The following MAP2K3 variants were observed in gnomAD, a reference collection of about 807,000 sequenced individuals.
The protein encoded by MAP2K3 is dual specificity mitogen-activated protein kinase kinase 3.
MAP2K3 carries 30 observed loss-of-function variants against 46.4 expected under a neutral mutation model. The observed-to-expected ratio is 0.65, with a 90% CI of 0.48 to 0.88. The LOEUF (loss-of-function observed/expected upper bound fraction) is 0.88, where lower values mean the gene tolerates loss of function less well. Ranked by LOEUF, MAP2K3 falls within the 40% of genes least tolerant of loss-of-function variation. The pLI is 0.00. For synonymous variants in MAP2K3, 189 were observed against 176.3 expected (o/e 1.07, Z -0.57); for missense variants, 380 against 464.5 (o/e 0.82, Z 1.67).
intron 1 of MAP2K3, among the ~76,000 whole-genome samples, chr17:21,292,882 C>T (rs1322871622): frequency 2.0e-5 from 3 of 152,312 alleles, no homozygotes; most frequent in Non-Finnish European, 2.9e-5. Flanking sequence ...TGAGGACCTG[C>T]AGGATCCTCA....
intron 6 of MAP2K3, 71 bp downstream of exon 6, chr17:21,302,330 T>A (rs62057723): frequency 1.4e-6 from 2 of 1,468,664 alleles, no homozygotes; most frequent in African/African-American, 1.4e-5. Context: ...CCAGCAGGCA[T>A]GGAGCCTGCC....
intron 10 of MAP2K3, among the ~76,000 whole-genome samples, chr17:21,313,014 A>G (rs1463891848): frequency 6.6e-6 from 1 of 152,026 alleles, no homozygotes; most frequent in African/African-American, 2.4e-5. Context: ...TTGGGTAAGG[A>G]AGAAGCGGCC....
intron 1 of MAP2K3, among the ~76,000 whole-genome samples, chr17:21,293,545 G>A (rs1218926000): frequency 1.7e-4 from 26 of 152,300 alleles, no homozygotes; most frequent in African/African-American, 6.3e-4. Flanking sequence ...CATCACCGGG[G>A]AGGGGGCGCT....
At chr17:21,290,865 C>T (rs1171958498) in intron 1 of MAP2K3, among the ~76,000 whole-genome samples, 3 of 152,420 alleles carry the variant, frequency 2.0e-5, no homozygotes, top group African/African-American at 4.8e-5. Context: ...GTGGGAGGAT[C>T]GTTTGTGCCT....
intron 1 of MAP2K3, chr17:21,296,158 T>C (rs974316309): frequency 4.7e-6 from 6 of 1,289,644 alleles, no homozygotes; most frequent in African/African-American, 3.0e-5. Context: ...AACCCTGTGC[T>C]GAGCACCTTG....
At chr17:21,288,079 G>A in intron 1 of MAP2K3, 1 of 1,289,288 alleles carries the variant, frequency 7.8e-7, no homozygotes, top group South Asian at 1.2e-5. Flanking sequence ...CGGGGCAGCG[G>A]AGGCTTCCGG....
chr17:21,298,729 C>A, intron 2 of MAP2K3, 149 bp from the exon 3 acceptor site: 1 of 1,231,314 alleles, frequency 8.1e-7, no homozygotes. Flanking sequence ...AGATGCTCAG[C>A]AGCCAGTGAG....
chr17:21,312,601 C>T (rs1268841990), intron 10 of MAP2K3, among the ~76,000 whole-genome samples: 3 of 152,106 alleles, frequency 2.0e-5, no homozygotes, highest in South Asian at 2.1e-4. Context: ...TTAAAGAATG[C>T]CCCATAGGAG....
intron 2 of MAP2K3, 81 bp from the exon 3 acceptor site, chr17:21,298,797 C>A: frequency 1.2e-6 from 2 of 1,603,326 alleles, no homozygotes; most frequent in Non-Finnish European, 1.7e-6. Flanking sequence ...CCACGCCAGG[C>A]CCCACACTGG....
chr17:21,291,061 T>C (rs1009120927), intron 1 of MAP2K3, among the ~76,000 whole-genome samples: 1 of 152,304 alleles, frequency 6.6e-6, no homozygotes, highest in Non-Finnish European at 1.5e-5. Flanking sequence ...TCTAACACGG[T>C]AAAACCCCGT....
At chr17:21,286,674 T>G (rs1003774519) in intron 1 of MAP2K3, among the ~76,000 whole-genome samples, 3 of 152,236 alleles carry the variant, frequency 2.0e-5, no homozygotes, top group Admixed American at 6.5e-5. Flanking sequence ...TTTTGGAGGC[T>G]TTTTAGCTCT....
Position 21,300,991 on chromosome 17 carries a change from G to A in MAP2K3, c.397G>A (p.Glu133Lys). The A allele has an allele frequency of 6.2e-7, 1 of 1,614,152 alleles. No individual in the cohort carries two copies. Among genetic ancestry groups the A allele is most frequent in the Non-Finnish European group, 8.5e-7 (1 of 1,180,014 alleles). ...CACCTTCTACGGGGCACTATTCAGA[G>A]AGGTGCGTCCTTGCATGATGCAGCT... ...TVTFYGALFR[E>K]GDVWICMELM... Residue 133 changes from glutamate (E) to lysine (K), a missense_variant and splice_region_variant, in exon 5 of 12, where the codon GAG becomes AAG. Around this residue, in one of 5 missense-constraint regions of MAP2K3, gnomAD observed 294 missense variants for 275.4 expected, o/e 1.07. Transcript: ENST00000342679.
At chr17:21,301,919 C>G (rs1976622738) in intron 5 of MAP2K3, among the ~76,000 whole-genome samples, 1 of 152,310 alleles carries the variant, frequency 6.6e-6, no homozygotes, top group Non-Finnish European at 1.5e-5. Context: ...AATTAGGGAT[C>G]AGATAGAGGA....
chr17:21,310,492 C>A (rs970872022), intron 9 of MAP2K3, among the ~76,000 whole-genome samples: 5 of 152,098 alleles, frequency 3.3e-5, no homozygotes, highest in Non-Finnish European at 1.5e-5. Context: ...CGGGAGAGTC[C>A]CCCTGGGTGG....
At chr17:21,285,849 G>T (rs1329081775) in intron 1 of MAP2K3, among the ~76,000 whole-genome samples, 1 of 152,182 alleles carries the variant, frequency 6.6e-6, no homozygotes, top group Non-Finnish European at 1.5e-5. Context: ...GGCAGCAGCA[G>T]GATTTGTCAT....
chr17:21,284,976 G>C lies in MAP2K3; in HGVS notation c.49+7G>C, dbSNP rs1324002736. The stretch of plus-strand genomic sequence containing the variant: ...AGCATGCCCCAGTCCAAAGGTAGGC[G>C]CTCCCGGCCGGGACCTCGGCCTGAC... On this transcript the variant is annotated splice_region_variant and intron_variant, in intron 1 of 11. Coordinates refer to ENST00000342679, the MANE Select transcript of MAP2K3 (RefSeq NM_145109.3). 6.2e-7 allele frequency: 1 copy of C among 1,607,820 alleles called. No individual in the cohort carries two copies. Among genetic ancestry groups the C allele is most frequent in the Non-Finnish European group, 8.5e-7 (1 of 1,177,852 alleles).
chr17:21,303,081 G>A, intron 6 of MAP2K3, 102 bp from the exon 7 acceptor site: 4 of 1,484,684 alleles, frequency 2.7e-6, no homozygotes, highest in Non-Finnish European at 9.3e-7. Context: ...AGCGGGAGCG[G>A]GAGACAGGTG....
chr17:21,290,614 G>T (rs1427393738), intron 1 of MAP2K3, among the ~76,000 whole-genome samples: 1 of 152,310 alleles, frequency 6.6e-6, no homozygotes, highest in Admixed American at 6.5e-5. Flanking sequence ...GTCTGTGCTA[G>T]CATTTCCATC....
At chr17:21,294,203 G>T (rs1179639525) in intron 1 of MAP2K3, among the ~76,000 whole-genome samples, 1 of 25,908 alleles carries the variant, frequency 3.9e-5, no homozygotes, top group African/African-American at 1.4e-4. Context: ...GGGCAGGGCG[G>T]CGCCTCTTGC....
Sources: gnomAD v4.1 joint callset for allele counts (sites outside exome capture counted in the v4.1 genomes callset) on GRCh38, gnomAD v4.1.1 for gene constraint, gnomAD v4.1.1 regional missense constraint, MANE v1.5 for transcripts, NCBI Gene and HGNC (gene_info 2026-07-23, HGNC 2026-07-21) for gene names.